Variants in PTK2 observed in about 807,000 individuals in gnomAD.
PTK2 encodes the protein protein tyrosine kinase 2, also known as focal adhesion kinase 1.
A neutral mutation model predicts 150.1 loss-of-function variants in PTK2; 45 were observed. The ratio of observed to expected loss-of-function variants is 0.30; its 90% CI spans 0.24 to 0.38. The LOEUF (loss-of-function observed/expected upper bound fraction) is 0.38, where lower values mean the gene tolerates loss of function less well. PTK2 is among the 10% of genes least tolerant of loss of function. The probability of loss-of-function intolerance (pLI) is 1.00; values close to 1 mark genes in which losing one functional copy is unlikely to be tolerated. For synonymous variants in PTK2, 432 were observed against 449.2 expected (o/e 0.96, Z 0.48); for missense variants, 919 against 1,307.3 (o/e 0.70, Z 4.58).
At chr8:140,700,122 G>A (rs1022297306) in intron 26 of PTK2, among the ~76,000 whole-genome samples, 1 of 152,158 alleles carries the variant, frequency 6.6e-6, no homozygotes, top group Non-Finnish European at 1.5e-5. Context: ...CTTAAATAAT[G>A]TATAATGTTC....
chr8:140,935,685 G>T (rs185853253), intron 1 of PTK2, among the ~76,000 whole-genome samples: 15 of 145,756 alleles, frequency 1.0e-4, no homozygotes, highest in Admixed American at 1.0e-3. Flanking sequence ...TAATCTCAAT[G>T]CTCAGTATGT....
chr8:140,737,734 G>A (rs2100053415), intron 21 of PTK2, among the ~76,000 whole-genome samples: 1 of 152,164 alleles, frequency 6.6e-6, no homozygotes, highest in African/African-American at 2.4e-5. Flanking sequence ...AAATGCCACT[G>A]ATTTTAAGAT....
intron 28 of PTK2, 101 bp downstream of exon 31, chr8:140,675,359 T>C: frequency 1.5e-6 from 2 of 1,303,998 alleles, no homozygotes; most frequent in South Asian, 2.5e-5. Context: ...GAGGAAAAAT[T>C]AACCATGAGG....
intron 5 of PTK2, among the ~76,000 whole-genome samples, chr8:140,850,591 G>C (rs1461341743): frequency 1.3e-5 from 2 of 150,130 alleles, no homozygotes; most frequent in Non-Finnish European, 3.0e-5. Context: ...TTATCCGGGC[G>C]TGGTGGCAGG....
intron 1 of PTK2, among the ~76,000 whole-genome samples, chr8:140,976,053 G>T (rs1448115295): frequency 6.6e-6 from 1 of 152,144 alleles, no homozygotes; most frequent in African/African-American, 2.4e-5. Context: ...ACTCTACACA[G>T]TAACTGCACA....
intron 8 of PTK2, chr8:140,822,095 A>G (rs979859120): frequency 7.9e-5 from 12 of 152,316 alleles, no homozygotes; most frequent in African/African-American, 2.9e-4. Flanking sequence ...TTATAAATTA[A>G]CAATATAGTA....
intron 1 of PTK2, among the ~76,000 whole-genome samples, chr8:140,962,614 C>T (rs914860252): frequency 2.6e-5 from 4 of 151,906 alleles, no homozygotes; most frequent in African/African-American, 9.7e-5. Flanking sequence ...CTGGCTAACA[C>T]AGTGAAACCT....
At chr8:140,964,642 C>T (rs1386692088) in intron 1 of PTK2, among the ~76,000 whole-genome samples, 6 of 150,346 alleles carry the variant, frequency 4.0e-5, no homozygotes, top group Non-Finnish European at 8.9e-5. Flanking sequence ...GAGATCCACC[C>T]GTCTTGGCCT....
intron 1 of PTK2, among the ~76,000 whole-genome samples, chr8:140,970,913 A>C (rs2100187029): frequency 6.6e-6 from 1 of 152,126 alleles, no homozygotes; most frequent in Non-Finnish European, 1.5e-5. Context: ...AAAAAACAAA[A>C]AACTTGCTTA....
intron 1 of PTK2, among the ~76,000 whole-genome samples, chr8:140,991,352 T>G (rs1460859530): frequency 6.6e-6 from 1 of 152,200 alleles, no homozygotes; most frequent in Non-Finnish European, 1.5e-5. Flanking sequence ...CACACTCTCC[T>G]GATATTTGCC....
intron 7 of PTK2, among the ~76,000 whole-genome samples, chr8:140,839,956 TTTC>T (rs1382704972): frequency 6.6e-6 from 1 of 152,156 alleles, no homozygotes; most frequent in Non-Finnish European, 1.5e-5. Flanking sequence ...TCAACAGACA[TTTC>T]TTGTCATAAC....
intron 14 of PTK2, among the ~76,000 whole-genome samples, chr8:140,777,610 C>G (rs1268543314): frequency 6.6e-6 from 1 of 152,220 alleles, no homozygotes; most frequent in African/African-American, 2.4e-5. Context: ...AGTCAAATAG[C>G]CAGACAATCC....
rs375798327 is a variant in PTK2, at chr8:140,719,034, G to A, written c.2031-1325C>T. On this transcript the variant is annotated intron_variant, in intron 22 of 31. Coordinates refer to ENST00000522684, the Ensembl canonical transcript of PTK2. The stretch of plus-strand genomic sequence containing the variant: ...CTACTAAAAATACAAAAATTAGCCC[G>A]GTGTGGTGGCGCGTGCCTGTAGTTC... Among the ~76,000 whole-genome samples the A allele has an allele frequency of 5.5e-4, 84 of 152,130 alleles. 2 individuals are homozygous for A. Among genetic ancestry groups the A allele is most frequent in the African/African-American group, 1.8e-3 (76 of 41,502 alleles).
chr8:140,970,550 T>C (rs1243870231), intron 1 of PTK2, among the ~76,000 whole-genome samples: 2 of 152,232 alleles, frequency 1.3e-5, no homozygotes, highest in East Asian at 3.8e-4. Flanking sequence ...TGTCAGCAAA[T>C]AATGTCAGCT....
intron 1 of PTK2, among the ~76,000 whole-genome samples, chr8:140,995,361 G>A (rs1307020457): frequency 2.3e-5 from 3 of 129,908 alleles, no homozygotes; most frequent in East Asian, 2.3e-4. Context: ...CCAGCCTGGC[G>A]ACAGAGCAAG....
chr8:140,782,289 G>T (rs2100082236), intron 14 of PTK2, among the ~76,000 whole-genome samples: 1 of 145,464 alleles, frequency 6.9e-6, no homozygotes, highest in South Asian at 2.2e-4. Context: ...TTGTCACCCA[G>T]AATGGAGTAC....
intron 7 of PTK2, among the ~76,000 whole-genome samples, chr8:140,835,146 T>C (rs2100117946): frequency 6.6e-6 from 1 of 152,218 alleles, no homozygotes; most frequent in Admixed American, 6.5e-5. Context: ...TGTGGCCTTA[T>C]CCTGCACGTG....
intron 29 of PTK2, among the ~76,000 whole-genome samples, chr8:140,670,937 G>A (rs192012008): frequency 6.6e-6 from 1 of 152,274 alleles, no homozygotes; most frequent in African/African-American, 2.4e-5. Context: ...TGTGGTAGAG[G>A]GGCACTGTCA....
intron 1 of PTK2, among the ~76,000 whole-genome samples, chr8:140,929,631 G>A (rs938455958): frequency 6.6e-5 from 10 of 152,034 alleles, no homozygotes; most frequent in Admixed American, 5.9e-4. Flanking sequence ...AAATGTCAAA[G>A]CCGCATGCAA....
Sources: allele counts gnomAD v4.1 joint callset (sites outside exome capture counted in the v4.1 genomes callset), GRCh38; gene constraint gnomAD v4.1.1; transcripts MANE v1.5; gene names NCBI Gene and HGNC (gene_info 2026-07-23, HGNC 2026-07-21).